The following IL7R variants were observed in gnomAD, a reference collection of about 807,000 sequenced individuals.
IL7R encodes the protein interleukin-7 receptor subunit alpha.
IL7R carries 38 observed loss-of-function variants against 47.0 expected under a neutral mutation model. That is an observed-to-expected ratio of 0.81 (90% CI 0.62 to 1.06). IL7R has a LOEUF of 1.06. Ranked by LOEUF, IL7R falls within the 50% of genes least tolerant of loss-of-function variation. The pLI is 0.00. For missense variants in IL7R, 633 were observed against 534.8 expected, an observed-to-expected ratio of 1.18 and a Z score of -1.81; for synonymous variants, 221 against 199.8, an observed-to-expected ratio of 1.11 and a Z score of -0.89.
At chr5:35,873,994 C>A (rs532953595) in intron 5 of IL7R, among the ~76,000 whole-genome samples, 2 of 152,144 alleles carry the variant, frequency 1.3e-5, no homozygotes, top group African/African-American at 2.4e-5. Flanking sequence ...TTAAGAAGCA[C>A]CTTTATTGGT....
At chr5:35,869,166 G>T (rs1760011068) in intron 3 of IL7R, among the ~76,000 whole-genome samples, 1 of 152,072 alleles carries the variant, frequency 6.6e-6, no homozygotes, top group South Asian at 2.1e-4. Context: ...TTCTGATTGA[G>T]CCCCAGAGCC....
intron 3 of IL7R, among the ~76,000 whole-genome samples, chr5:35,869,805 T>C (rs1411878856): frequency 6.6e-6 from 1 of 152,194 alleles, no homozygotes; most frequent in East Asian, 1.9e-4. Context: ...TTCCTCCTGC[T>C]TCCCTCTAAG....
At chr5:35,860,709 T>TG (rs1310498868) in intron 1 of IL7R, 143 bp from the exon 2 acceptor site, 17 of 874,054 alleles carry the variant, frequency 1.9e-5, no homozygotes, top group African/African-American at 5.0e-5. Flanking sequence ...TCTTTGCCCT[T>TG]GGGCTTTTCT....
chr5:35,875,402 C>T, intron 6 of IL7R, 110 bp from the exon 7 acceptor site: 2 of 820,156 alleles, frequency 2.4e-6, no homozygotes, highest in South Asian at 2.9e-5. Context: ...TGTGTTAGAG[C>T]CAAGACTAGA....
rs1760207150 is a variant in IL7R, at chr5:35,876,214, C to A, written c.1108C>A (p.Leu370Met). Residue 370 changes from leucine (L) to methionine (M), a missense_variant, in exon 8 of 8, where the codon CTG becomes ATG. Leu to Met is a conservative substitution (Grantham distance 15). Transcript: ENST00000303115. ...SFGRDSSLTC[L>M]AGNVSACDAP... Reference sequence around the variant, plus strand: ...TGGAAGAGATTCATCCCTCACATGCCTGGCTGGGAATGTCAGTGCATGTGA... The same window carrying A: ...TGGAAGAGATTCATCCCTCACATGCATGGCTGGGAATGTCAGTGCATGTGA... The A allele has an allele frequency of 6.2e-7, 1 of 1,614,042 alleles. No homozygotes were observed. Among genetic ancestry groups the A allele is most frequent in the South Asian group, 1.1e-5 (1 of 91,080 alleles).
rs538541649 is a variant in IL7R, at chr5:35,871,812, G to A, written c.537+599G>A. 6.8e-4 allele frequency among the ~76,000 whole-genome samples: 103 copies of A among 152,246 alleles called. 2 individuals are homozygous for A. In the South Asian group the frequency reaches 0.018, roughly 27 times the overall value. On this transcript the variant is annotated intron_variant, in intron 4 of 7. Transcript: ENST00000303115. ...CTGAAATTTATTTTGGGGAGGAGGT[G>A]GCAGAAGAGTGGAGTGTACCAGGTT...
chr5:35,871,855 C>G (rs1406326787), intron 4 of IL7R, among the ~76,000 whole-genome samples: 2 of 151,962 alleles, frequency 1.3e-5, no homozygotes, highest in Non-Finnish European at 2.9e-5. Context: ...TTCTCTTAAC[C>G]CACCAACCTA....
Position 35,874,501 on chromosome 5 carries a change from C to T in IL7R, c.759C>T (p.Val253=), listed in dbSNP as rs201268331. ...LTISILSFFS[V]ALLVILACVL... is the part of the protein sequence containing the mutation. ...TCAGCATTTTGAGTTTTTTCTCTGT[C>T]GCTCTGTTGGTCATCTTGGCCTGTG... Residue 253 remains valine (V), a synonymous_variant, in exon 6 of 8, where the codon GTC becomes GTT. Coordinates refer to ENST00000303115, the MANE Select transcript of IL7R (RefSeq NM_002185.5). 2.0e-4 allele frequency: 329 copies of T among 1,613,572 alleles called. 1 individual carries two copies. The highest frequency in any genetic ancestry group is 5.0e-4 in the Middle Eastern group (3 of 6,058).
intron 3 of IL7R, among the ~76,000 whole-genome samples, chr5:35,868,055 A>G (rs902249781): frequency 6.6e-6 from 1 of 152,144 alleles, no homozygotes; most frequent in East Asian, 1.9e-4. Flanking sequence ...GAAATTCAGG[A>G]AAGAGTGCAG....
At chr5:35,864,399 G>A (rs946765319) in intron 2 of IL7R, among the ~76,000 whole-genome samples, 2 of 152,118 alleles carry the variant, frequency 1.3e-5, no homozygotes, top group Admixed American at 1.3e-4. Context: ...ACCTCAGAAT[G>A]GAATTGCTGT....
chr5:35,865,294 C>CT (rs1362969668), intron 2 of IL7R, among the ~76,000 whole-genome samples: 1 of 152,054 alleles, frequency 6.6e-6, no homozygotes, highest in African/African-American at 2.4e-5. Context: ...TGAACTCATC[C>CT]TTTTTTATGG....
intron 1 of IL7R, among the ~76,000 whole-genome samples, chr5:35,859,643 C>T (rs945922382): frequency 1.3e-5 from 2 of 152,174 alleles, no homozygotes; most frequent in African/African-American, 4.8e-5. Flanking sequence ...ACCAACCTGT[C>T]ATTCAACTGG....
In IL7R at chr5:35,879,447, A is replaced by G. The variant is rs561791300; in HGVS notation, c.*2961A>G. Reference sequence around the variant, plus strand: ...AGCTCTGTGGTTTATTGTTGGGACTATTCTTTAAAATATCCATTGTTCACT... The same window carrying G: ...AGCTCTGTGGTTTATTGTTGGGACTGTTCTTTAAAATATCCATTGTTCACT... On this transcript the variant is annotated 3_prime_UTR_variant, in exon 8 of 8. Transcript: ENST00000303115. 2.1e-5 allele frequency: 5 copies of G among 232,760 alleles called. No homozygotes were observed. The highest frequency in any genetic ancestry group is 1.1e-4 in the African/African-American group (5 of 45,434). The allele number at this position is 232,760 out of a possible 1,614,324, so 14.4% of individuals were successfully genotyped here. A position where few individuals can be genotyped will look rare whatever the true frequency, so the allele number is the denominator to read the frequency against.
At chr5:35,875,690 T>C in intron 7 of IL7R, 103 bp downstream of exon 7, 1 of 925,304 alleles carries the variant, frequency 1.1e-6, no homozygotes, top group Non-Finnish European at 1.8e-6. Flanking sequence ...TTTTGGTATT[T>C]GATTCATCCT....
chr5:35,873,298 C>G, intron 4 of IL7R, 182 bp from the exon 5 acceptor site: 4 of 650,644 alleles, frequency 6.1e-6, no homozygotes, highest in Middle Eastern at 2.9e-4. Context: ...TTTATAAGCT[C>G]AGATTCTGTC....
chr5:35,873,000 A>T (rs1468515918), intron 4 of IL7R, among the ~76,000 whole-genome samples: 1 of 151,026 alleles, frequency 6.6e-6, no homozygotes, highest in East Asian at 1.9e-4. Context: ...ACTTCTTTTT[A>T]TCTGTCAAAT....
At chr5:35,872,776 A>T (rs1049291370) in intron 4 of IL7R, among the ~76,000 whole-genome samples, 1 of 152,204 alleles carries the variant, frequency 6.6e-6, no homozygotes. Flanking sequence ...ATGCAAATTT[A>T]AAAGTAAGCT....
At chr5:35,875,721 G>A in intron 7 of IL7R, 134 bp downstream of exon 7, 1 of 812,382 alleles carries the variant, frequency 1.2e-6, no homozygotes, top group South Asian at 1.4e-5. Context: ...TCCCTCCTAA[G>A]ACCCTAGCTG....
intron 5 of IL7R, 43 bp from the exon 6 acceptor site, chr5:35,874,406 C>A: frequency 2.3e-6 from 3 of 1,313,084 alleles, no homozygotes; most frequent in Non-Finnish European, 2.2e-6. Context: ...ACCCCCACTG[C>A]ATGGCTACTG....
Sources: gnomAD v4.1 joint callset for allele counts (sites outside exome capture counted in the v4.1 genomes callset) on GRCh38, gnomAD v4.1.1 for gene constraint, MANE v1.5 for transcripts, NCBI Gene and HGNC (gene_info 2026-07-23, HGNC 2026-07-21) for gene names.